NRG3: variants seen among roughly 807,000 people sequenced by gnomAD.
The protein encoded by NRG3 is pro-neuregulin-3, membrane-bound isoform.
A neutral mutation model predicts 66.9 loss-of-function variants in NRG3; 31 were observed. That is an observed-to-expected ratio of 0.46 (90% CI 0.35 to 0.63). The LOEUF is 0.63. Among genes scored for constraint, NRG3 ranks in the 20% least tolerant of loss-of-function variants. The probability of loss-of-function intolerance (pLI) is 0.00; values close to 1 mark genes in which losing one functional copy is unlikely to be tolerated. For missense variants in NRG3, 910 were observed against 878.9 expected (o/e 1.04, Z -0.45); for synonymous variants, 393 against 359.4 (o/e 1.09, Z -1.06).
chr10:81,991,777 A>C (rs986197335), intron 1 of NRG3, among the ~76,000 whole-genome samples: 2 of 152,180 alleles, frequency 1.3e-5, no homozygotes, highest in Non-Finnish European at 2.9e-5. Flanking sequence ...AATTCAGTAT[A>C]CATTTTGCTA....
chr10:82,019,145 AG>A (rs1311376717), intron 1 of NRG3, among the ~76,000 whole-genome samples: 5 of 152,180 alleles, frequency 3.3e-5, no homozygotes, highest in Non-Finnish European at 7.3e-5. Context: ...TTTAGCATGA[AG>A]GGCTGTTGAA....
At chr10:82,000,781 G>A (rs2061131655) in intron 1 of NRG3, among the ~76,000 whole-genome samples, 1 of 152,166 alleles carries the variant, frequency 6.6e-6, no homozygotes, top group South Asian at 2.1e-4. Flanking sequence ...TAGGCAGCTT[G>A]AAAGAAAATT....
In NRG3 at chr10:82,392,890, A is replaced by G. The variant is rs2086473088; in HGVS notation, c.953+34022A>G. On this transcript the variant is annotated intron_variant, in intron 2 of 8. Coordinates refer to ENST00000372141, the MANE Select transcript of NRG3 (RefSeq NM_001010848.4). ...GCTGGAGGTGAGGTCATATATATAT[A>G]TATATATATTTTTTGCAGGCTTCAT... Among the ~76,000 whole-genome samples the G allele has an allele frequency of 2.7e-5, 3 of 112,982 alleles. No homozygotes were observed. In the South Asian group the frequency reaches 6.9e-4, roughly 26 times the overall value. 74.1% of individuals were successfully genotyped at this position (112,982 alleles called of 152,430 possible).
intron 3 of NRG3, among the ~76,000 whole-genome samples, chr10:82,767,513 C>T (rs2135135817): frequency 6.6e-6 from 1 of 152,142 alleles, no homozygotes; most frequent in East Asian, 1.9e-4. Flanking sequence ...ATTAAATACA[C>T]TTTATTATGG....
In NRG3 at chr10:82,754,148, C is replaced by T. The variant is rs190508646; in HGVS notation, c.1027+15498C>T. 4.4e-4 allele frequency among the ~76,000 whole-genome samples: 67 copies of T among 151,566 alleles called. 1 individual carries two copies. The highest frequency in any genetic ancestry group is 1.5e-3 in the African/African-American group (60 of 41,348). ...AGCAGCATATTTGTCAGTATTAAAT[C>T]GTATTTATTTATTAATAATGTCATA... On this transcript the variant is annotated intron_variant, in intron 3 of 8. Transcript: ENST00000372141.
chr10:82,597,010 C>A (rs1448573932), intron 2 of NRG3, among the ~76,000 whole-genome samples: 2 of 152,104 alleles, frequency 1.3e-5, no homozygotes, highest in Non-Finnish European at 2.9e-5. Context: ...CCTTCAAGAC[C>A]CTTTTGGCTT....
chr10:82,487,631 A>G (rs1842788269), intron 2 of NRG3, among the ~76,000 whole-genome samples: 1 of 152,210 alleles, frequency 6.6e-6, no homozygotes, highest in South Asian at 2.1e-4. Context: ...TTATTTAGAA[A>G]TGACCAAGAC....
chr10:82,174,363 C>T (rs1171158505), intron 1 of NRG3, among the ~76,000 whole-genome samples: 1 of 151,994 alleles, frequency 6.6e-6, no homozygotes, highest in Non-Finnish European at 1.5e-5. Context: ...TTCCTTGTTT[C>T]CTCTTTATGC....
chr10:82,209,986 C>T (rs947006854), intron 1 of NRG3, among the ~76,000 whole-genome samples: 1 of 152,022 alleles, frequency 6.6e-6, no homozygotes, highest in Non-Finnish European at 1.5e-5. Flanking sequence ...ATACATAATC[C>T]TTTCAATTAA....
intron 2 of NRG3, among the ~76,000 whole-genome samples, chr10:82,488,317 A>G (rs898577988): frequency 4.6e-5 from 7 of 152,202 alleles, no homozygotes; most frequent in African/African-American, 1.4e-4. Flanking sequence ...AAATGTGGAA[A>G]CTGAGACTTC....
chr10:82,565,012 GGGC>G (rs1474184885), intron 2 of NRG3, among the ~76,000 whole-genome samples: 1 of 152,016 alleles, frequency 6.6e-6, no homozygotes, highest in Non-Finnish European at 1.5e-5. Flanking sequence ...TTAGATGACA[GGGC>G]AAAAAGAACA....
intron 3 of NRG3, among the ~76,000 whole-genome samples, chr10:82,801,076 A>C (rs1250284611): frequency 1.3e-5 from 2 of 152,204 alleles, no homozygotes; most frequent in Non-Finnish European, 2.9e-5. Context: ...TGAATGCAGC[A>C]AAGATACTTC....
chr10:82,648,859 A>G (rs1342933558), intron 2 of NRG3, among the ~76,000 whole-genome samples: 3 of 152,094 alleles, frequency 2.0e-5, no homozygotes, highest in African/African-American at 7.2e-5. Context: ...TTGATTTTGT[A>G]CCCTGAGACT....
intron 2 of NRG3, among the ~76,000 whole-genome samples, chr10:82,665,474 A>G (rs1379391562): frequency 2.6e-5 from 4 of 152,104 alleles, no homozygotes; most frequent in Non-Finnish European, 5.9e-5. Context: ...TTTCATGATC[A>G]CACTTTGGAT....
chr10:82,375,834 C>T (rs1297993518), intron 2 of NRG3, among the ~76,000 whole-genome samples: 1 of 152,106 alleles, frequency 6.6e-6, no homozygotes, highest in East Asian at 1.9e-4. Context: ...GGTGATCCGT[C>T]GCAATTTCAT....
chr10:82,153,286 A>G (rs1208429484), intron 1 of NRG3, among the ~76,000 whole-genome samples: 1 of 152,048 alleles, frequency 6.6e-6, no homozygotes, highest in East Asian at 1.9e-4. Context: ...TCTACATGTA[A>G]GTGAAATCAT....
At chr10:82,086,004 A>G (rs2065702720) in intron 1 of NRG3, among the ~76,000 whole-genome samples, 1 of 152,096 alleles carries the variant, frequency 6.6e-6, no homozygotes, top group Non-Finnish European at 1.5e-5. Flanking sequence ...TATTCAACAA[A>G]TGACCTTTTA....
intron 2 of NRG3, among the ~76,000 whole-genome samples, chr10:82,708,635 A>ATAC (rs1189171576): frequency 6.6e-6 from 1 of 152,144 alleles, no homozygotes; most frequent in Non-Finnish European, 1.5e-5. Flanking sequence ...CAATTACTTA[A>ATAC]TACTATATGT....
chr10:82,006,581 A>T (rs544209315), intron 1 of NRG3, among the ~76,000 whole-genome samples: 22 of 152,266 alleles, frequency 1.4e-4, no homozygotes, highest in Admixed American at 3.9e-4. Flanking sequence ...GATTTAAGTT[A>T]TTAATCCCAT....
Sources: gnomAD v4.1 joint callset for allele counts (sites outside exome capture counted in the v4.1 genomes callset) on GRCh38, gnomAD v4.1.1 for gene constraint, MANE v1.5 for transcripts, NCBI Gene and HGNC (gene_info 2026-07-23, HGNC 2026-07-21) for gene names.